Variants in TTC17 observed in about 807,000 individuals in gnomAD.
TTC17 encodes the protein tetratricopeptide repeat domain 17, also known as tetratricopeptide repeat protein 17.
TTC17 carries 58 observed loss-of-function variants against 143.8 expected under a neutral mutation model. That is an observed-to-expected ratio of 0.40 (90% CI 0.33 to 0.50). The LOEUF is 0.50. TTC17 is among the 20% of genes least tolerant of loss of function. The probability of loss-of-function intolerance (pLI) is 0.49; values close to 1 mark genes in which losing one functional copy is unlikely to be tolerated. For synonymous variants in TTC17, 501 were observed against 497.8 expected (o/e 1.01, Z -0.09); for missense variants, 1,273 against 1,392.5 (o/e 0.91, Z 1.37).
chr11:43,385,449 C>A (rs1164269121), intron 2 of TTC17, among the ~76,000 whole-genome samples: 1 of 152,052 alleles, frequency 6.6e-6, no homozygotes, highest in Non-Finnish European at 1.5e-5. Context: ...TTTTGAAAAT[C>A]TTGAAGGCAT....
intron 15 of TTC17, among the ~76,000 whole-genome samples, chr11:43,411,807 A>G (rs2134611467): frequency 6.6e-6 from 1 of 152,308 alleles, no homozygotes; most frequent in Non-Finnish European, 1.5e-5. Flanking sequence ...ATTACTAAGT[A>G]ATAGTTTGAA....
At chr11:43,379,486 T>C (rs1856884239) in intron 2 of TTC17, among the ~76,000 whole-genome samples, 164 bp downstream of exon 2, 1 of 151,788 alleles carries the variant, frequency 6.6e-6, no homozygotes, top group African/African-American at 2.4e-5. Flanking sequence ...GTGTGTTTTT[T>C]CTTTATCATT....
intron 16 of TTC17, chr11:43,436,028 C>A: frequency 2.8e-6 from 2 of 708,640 alleles, no homozygotes; most frequent in Non-Finnish European, 2.0e-6. Flanking sequence ...CTGCAGCTCA[C>A]TGATTTTTGT....
At chr11:43,427,701 C>G (rs1947061771) in intron 16 of TTC17, among the ~76,000 whole-genome samples, 1 of 152,156 alleles carries the variant, frequency 6.6e-6, no homozygotes, top group Admixed American at 6.5e-5. Flanking sequence ...AACTGTGCCT[C>G]TCCTTTGGCT....
At chr11:43,359,140 C>G (rs1228141861) in intron 1 of TTC17, 27 bp downstream of exon 1, 5 of 1,553,088 alleles carry the variant, frequency 3.2e-6, no homozygotes, top group Non-Finnish European at 4.3e-6. Context: ...CCCTCTTCTC[C>G]CGTGCCCGCC....
chr11:43,407,579 T>G lies in TTC17; in HGVS notation c.2064+2T>G. On this transcript the variant is annotated splice_donor_variant, in intron 15 of 23. Coordinates refer to ENST00000039989, the MANE Select transcript of TTC17 (RefSeq NM_018259.6). LOFTEE classifies it high-confidence loss of function. ...GCTTTGGCCATCAATAGCTCTGAGGTGAGGTTTTAAGGGATTTCATAGTTC... is the reference window on the plus strand; with the variant it reads ...GCTTTGGCCATCAATAGCTCTGAGGGGAGGTTTTAAGGGATTTCATAGTTC... The G allele has an allele frequency of 6.2e-7, 1 of 1,613,480 alleles. No individual in the cohort carries two copies. Among genetic ancestry groups the G allele is most frequent in the Non-Finnish European group, 8.5e-7 (1 of 1,179,640 alleles).
At chr11:43,449,689 T>C (rs1045881272) in intron 19 of TTC17, 2 of 155,450 alleles carry the variant, frequency 1.3e-5, no homozygotes, top group African/African-American at 4.8e-5. Context: ...TTTGTCATAT[T>C]AGTGCATATG....
chr11:43,459,985 G>T (rs1047749524), intron 21 of TTC17, among the ~76,000 whole-genome samples: 4 of 152,176 alleles, frequency 2.6e-5, no homozygotes, highest in Non-Finnish European at 4.4e-5. Flanking sequence ...CTTACGATGG[G>T]TTTATCAAGA....
At chr11:43,434,228 C>G (rs1341797587) in intron 16 of TTC17, among the ~76,000 whole-genome samples, 1 of 136,496 alleles carries the variant, frequency 7.3e-6, no homozygotes, top group Admixed American at 7.8e-5. Context: ...CACACACACA[C>G]ACACTCTCAT....
chr11:43,445,538 T>C (rs979917400), intron 18 of TTC17, among the ~76,000 whole-genome samples: 4 of 152,180 alleles, frequency 2.6e-5, no homozygotes, highest in African/African-American at 9.7e-5. Flanking sequence ...ACTAAAAATT[T>C]ATTATAAAAG....
chr11:43,449,098 T>G lies in TTC17; in HGVS notation c.2786+976T>G, dbSNP rs115759036. The G allele has an allele frequency of 8.0e-3, 1,218 of 152,590 alleles. 16 individuals carry two copies. The highest frequency in any genetic ancestry group is 0.028 in the African/African-American group (1,179 of 41,566). 9.5% of individuals were successfully genotyped at this position (152,590 alleles called of 1,614,324 possible). ...TACTTCCTAGCTGGTCCTCTTGCTC[T>G]GTTCACTCTTGCCTCTGTTCAATCT... On this transcript the variant is annotated intron_variant, in intron 19 of 23. Transcript: ENST00000039989.
intron 16 of TTC17, among the ~76,000 whole-genome samples, chr11:43,420,964 G>A (rs929874839): frequency 5.9e-5 from 9 of 151,996 alleles, no homozygotes; most frequent in African/African-American, 1.5e-4. Flanking sequence ...AAGAAAACTG[G>A]GTGTGGTTTA....
At chr11:43,437,238 CTT>C (rs1260513163) in intron 16 of TTC17, among the ~76,000 whole-genome samples, 1 of 152,020 alleles carries the variant, frequency 6.6e-6, no homozygotes, top group African/African-American at 2.4e-5. Flanking sequence ...CCTGATCTCT[CTT>C]AAGAACATCA....
chr11:43,417,959 A>G (rs761204435), intron 16 of TTC17, among the ~76,000 whole-genome samples: 6 of 152,188 alleles, frequency 3.9e-5, no homozygotes, highest in Non-Finnish European at 8.8e-5. Context: ...ATTAGCAAGT[A>G]TTTTGTTATT....
intron 1 of TTC17, among the ~76,000 whole-genome samples, chr11:43,369,608 GT>G (rs1381365722): frequency 6.7e-6 from 1 of 149,694 alleles, no homozygotes; most frequent in Non-Finnish European, 1.5e-5. Flanking sequence ...ATTAAAATTT[GT>G]TTCTGATTTC....
rs968509388 is a variant in TTC17, at chr11:43,494,069, C to T, written c.*165C>T. The T allele has an allele frequency of 1.4e-5, 15 of 1,051,460 alleles. No individual in the cohort carries two copies. In the Admixed American group the frequency reaches 1.7e-4, roughly 12 times the overall value. 65.1% of individuals were successfully genotyped at this position (1,051,460 alleles called of 1,614,324 possible). ...GGGAATTGGTTTGTTTTTGTTTTTA[C>T]GTTTCTCCTTTCCCCCAACCAACCT... is the stretch of plus-strand genomic sequence containing the variant. On this transcript the variant is annotated 3_prime_UTR_variant, in exon 24 of 24. Transcript: ENST00000039989.
intron 21 of TTC17, among the ~76,000 whole-genome samples, chr11:43,473,801 T>C (rs1311542911): frequency 1.1e-4 from 16 of 151,670 alleles, no homozygotes; most frequent in Non-Finnish European, 2.4e-4. Flanking sequence ...GGAGAATCAC[T>C]TGAACTGGGA....
intron 21 of TTC17, among the ~76,000 whole-genome samples, chr11:43,474,820 ATTC>A (rs1309285677): frequency 1.3e-5 from 2 of 151,812 alleles, no homozygotes; most frequent in Non-Finnish European, 2.9e-5. Flanking sequence ...TTTATATTGT[ATTC>A]TTATAATCTA....
chr11:43,374,067 A>T (rs1254123299), intron 1 of TTC17, among the ~76,000 whole-genome samples: 1 of 152,186 alleles, frequency 6.6e-6, no homozygotes, highest in African/African-American at 2.4e-5. Flanking sequence ...TATCTAACAG[A>T]TACTGTCCTC....
Sources: gnomAD v4.1 joint callset for allele counts (sites outside exome capture counted in the v4.1 genomes callset) on GRCh38, gnomAD v4.1.1 for gene constraint, MANE v1.5 for transcripts, NCBI Gene and HGNC (gene_info 2026-07-23, HGNC 2026-07-21) for gene names.